The following SLC48A1 variants were observed in gnomAD, a reference collection of about 807,000 sequenced individuals.
The protein encoded by SLC48A1 is heme transporter HRG1.
A neutral mutation model predicts 14.8 loss-of-function variants in SLC48A1; 6 were observed. The observed-to-expected ratio is 0.41, with a 90% CI of 0.22 to 0.80. The LOEUF (loss-of-function observed/expected upper bound fraction) is 0.80, where lower values mean the gene tolerates loss of function less well. Among genes scored for constraint, SLC48A1 ranks in the 30% least tolerant of loss-of-function variants. SLC48A1 has a pLI of 0.34. For missense variants in SLC48A1, 165 were observed against 204.8 expected, an observed-to-expected ratio of 0.81 and a Z score of 1.19; for synonymous variants, 89 against 90.0, an observed-to-expected ratio of 0.99 and a Z score of 0.06.
intron 2 of SLC48A1, among the ~76,000 whole-genome samples, chr12:47,764,809 T>G (rs1055121115): frequency 6.6e-6 from 1 of 152,160 alleles, no homozygotes; most frequent in Non-Finnish European, 1.5e-5. Flanking sequence ...CCAGGTGCGG[T>G]GGCTCACGCC....
upstream of SLC48A1, chr12:47,770,956 T>C: frequency 2.2e-6 from 1 of 456,016 alleles, no homozygotes; most frequent in African/African-American, 2.0e-5. Flanking sequence ...TCTGAAGCCA[T>C]CCATGGAAAT....
Position 47,778,888 on chromosome 12 carries a change from C to T in SLC48A1, c.137-140C>T, listed in dbSNP as rs776646166. On this transcript the variant is annotated intron_variant, in intron 1 of 2. Transcript: ENST00000442218. ...TACCTGCTTCTGATATCACAGCCTC[C>T]GAAAAGGAAAACTCCATTCTATGAG... The T allele has an allele frequency of 3.9e-5, 41 of 1,045,754 alleles. No individual in the cohort carries two copies. In the Middle Eastern group the frequency reaches 1.4e-3, roughly 35 times the overall value. 64.8% of individuals were successfully genotyped at this position (1,045,754 alleles called of 1,614,324 possible).
chr12:47,761,764 T>G (rs1418378487), intron 2 of SLC48A1, among the ~76,000 whole-genome samples: 5 of 152,178 alleles, frequency 3.3e-5, no homozygotes, highest in Admixed American at 6.5e-5. Flanking sequence ...TAAATAATAA[T>G]AAGAATAGTC....
chr12:47,776,918 GA>G (rs1225783250), intron 1 of SLC48A1, among the ~76,000 whole-genome samples: 1 of 152,138 alleles, frequency 6.6e-6, no homozygotes, highest in Non-Finnish European at 1.5e-5. Context: ...CTGGCTTCTA[GA>G]ATCTTTGAGT....
At chr12:47,758,068 G>A, upstream of SLC48A1, 1 of 1,565,496 alleles carries the variant, frequency 6.4e-7, no homozygotes, top group Non-Finnish European at 8.7e-7. Flanking sequence ...GCTCTCACCT[G>A]GCCAGCCCAC....
chr12:47,756,665 C>T (rs114220600), upstream of SLC48A1, among the ~76,000 whole-genome samples: 443 of 152,238 alleles, frequency 2.9e-3, 5 homozygotes, highest in African/African-American at 0.011. Context: ...CTCAAAAGGA[C>T]TTGCCAATAA....
rs2136872587 is a variant in SLC48A1 at position 47,780,302 on chromosome 12, C to T, written c.*21C>T. 8 of 1,614,126 alleles carry T rather than the reference C, an allele frequency of 5.0e-6. No individual in the cohort carries two copies. Among genetic ancestry groups the T allele is most frequent in the South Asian group, 1.1e-5 (1 of 91,090 alleles). ...TCTGACCCAGGGGGTGAGGTCTCTG[C>T]ACCCTGGGGGGGCCTTAGGACCTGG... On this transcript the variant is annotated 3_prime_UTR_variant, in exon 3 of 3. Transcript: ENST00000442218.
chr12:47,772,328 C>T (rs76127926), upstream of SLC48A1: 720 of 154,748 alleles, frequency 4.7e-3, 6 homozygotes, highest in African/African-American at 0.016. Context: ...ATGGTATGAT[C>T]CCGAGGGTCA....
At chr12:47,772,269 C>T (rs1292813109), upstream of SLC48A1, 3 of 154,800 alleles carry the variant, frequency 1.9e-5, no homozygotes, top group Non-Finnish European at 2.9e-5. Context: ...AAGCTGGGCT[C>T]ACGTGGGAGC....
upstream of SLC48A1, among the ~76,000 whole-genome samples, chr12:47,772,648 G>T (rs1592604437): frequency 6.6e-6 from 1 of 151,954 alleles, no homozygotes; most frequent in South Asian, 2.1e-4. Flanking sequence ...CTGTACTCCT[G>T]CCCGGGCAAC....
chr12:47,767,890 A>G (rs537190577), upstream of SLC48A1, among the ~76,000 whole-genome samples: 4 of 152,236 alleles, frequency 2.6e-5, no homozygotes, highest in East Asian at 5.8e-4. Context: ...GCAAGACCCC[A>G]ATCAATTTAC....
chr12:47,759,133 G>A, intron 1 of SLC48A1: 1 of 982,800 alleles, frequency 1.0e-6, no homozygotes, highest in Non-Finnish European at 1.2e-6. Flanking sequence ...AACGGCCGGG[G>A]TGTCAGGGAT....
upstream of SLC48A1, among the ~76,000 whole-genome samples, chr12:47,772,533 G>A (rs1387397791): frequency 6.6e-6 from 1 of 152,182 alleles, no homozygotes; most frequent in Non-Finnish European, 1.5e-5. Context: ...AAAAATACTA[G>A]CCAGGCGTGG....
rs971751466 is a variant in SLC48A1 at position 47,773,238 on chromosome 12, G to T, written c.-67G>T. On this transcript the variant is annotated 5_prime_UTR_variant, in exon 1 of 3. Coordinates refer to ENST00000442218, the MANE Select transcript of SLC48A1 (RefSeq NM_017842.3). ...GGCGGCTCCCGCGGCTCCGGCTGGC[G>T]GCTTCGGGCCCTGCACCTGTGACTC... The T allele has an allele frequency of 2.6e-5, 30 of 1,155,938 alleles. No homozygotes were observed. Among genetic ancestry groups the T allele is most frequent in the Non-Finnish European group, 3.1e-5 (29 of 939,628 alleles). The allele number at this position is 1,155,938 out of a possible 1,614,324, so 71.6% of individuals were successfully genotyped here. A position where few individuals can be genotyped will look rare whatever the true frequency, so the allele number is the denominator to read the frequency against.
At position 47,779,286 on chromosome 12, in the gene SLC48A1, A is replaced by C. The variant is rs947739287; in HGVS notation, c.304+91A>C. On this transcript the variant is annotated intron_variant, in intron 2 of 2. Coordinates refer to ENST00000442218, the MANE Select transcript of SLC48A1 (RefSeq NM_017842.3). ...CATCCTGGTTCCACAGGTTACCTCC[A>C]AAGAGACTGGGTGAATTACTTAACC... 43 of 1,439,890 alleles carry C rather than the reference A, an allele frequency of 3.0e-5. No homozygotes were observed. In the East Asian group the frequency reaches 1.0e-3, roughly 33 times the overall value. The allele number at this position is 1,439,890 out of a possible 1,614,324, so 89.2% of individuals were successfully genotyped here.
chr12:47,779,244 G>T (rs1408203354), intron 2 of SLC48A1, 49 bp downstream of exon 2: 3 of 1,515,620 alleles, frequency 2.0e-6, no homozygotes, highest in Non-Finnish European at 2.7e-6. Flanking sequence ...CAGCAGCGGG[G>T]ATTTTAGCAG....
At chr12:47,768,647 G>A (rs1329330098), upstream of SLC48A1, 1 of 152,234 alleles carries the variant, frequency 6.6e-6, no homozygotes, top group African/African-American at 2.4e-5. Context: ...AGCTCAGTAG[G>A]TGTATCCTTG....
upstream of SLC48A1, among the ~76,000 whole-genome samples, chr12:47,773,007 A>G (rs1409809823): frequency 1.3e-5 from 2 of 152,260 alleles, no homozygotes; most frequent in African/African-American, 4.8e-5. Flanking sequence ...GGTCCCTTCC[A>G]AGGTCCAACA....
chr12:47,765,477 C>T (rs1942498159), intron 2 of SLC48A1, among the ~76,000 whole-genome samples: 1 of 152,242 alleles, frequency 6.6e-6, no homozygotes, highest in African/African-American at 2.4e-5. Flanking sequence ...GCCTAACACA[C>T]TGCAGGGCTG....
Sources: gnomAD v4.1 joint callset for allele counts (sites outside exome capture counted in the v4.1 genomes callset) on GRCh38, gnomAD v4.1.1 for gene constraint, MANE v1.5 for transcripts, NCBI Gene and HGNC (gene_info 2026-07-23, HGNC 2026-07-21) for gene names.